The following ATP9B variants were observed in gnomAD, a reference collection of about 807,000 sequenced individuals.
ATP9B encodes the protein ATPase phospholipid transporting 9B, also known as probable phospholipid-transporting ATPase IIB.
ATP9B carries 110 observed loss-of-function variants against 146.1 expected under a neutral mutation model. That is an observed-to-expected ratio of 0.75 (90% CI 0.65 to 0.88). The LOEUF is 0.88. Ranked by LOEUF, ATP9B falls within the 40% of genes least tolerant of loss-of-function variation. ATP9B has a pLI of 0.00. For missense variants in ATP9B, 1,499 were observed against 1,496.4 expected (o/e 1.00, Z -0.03); for synonymous variants, 604 against 569.7 (o/e 1.06, Z -0.86).
In ATP9B at chr18:79,239,777, C is replaced by G. The variant is rs1387606888; in HGVS notation, c.1108-13604C>G. ...GTGTTTTCTCACCTTGCTGTTTTCT[C>G]GAGAGCATTGTTTTGTGAGGGCGGT... On this transcript the variant is annotated intron_variant, in intron 11 of 29. Coordinates refer to ENST00000426216, the MANE Select transcript of ATP9B (RefSeq NM_198531.5). The surrounding 1 kb of genome is among the most constrained non-coding windows in gnomAD (Gnocchi z 5.1). Among the ~76,000 whole-genome samples the G allele has an allele frequency of 6.6e-6, 1 of 152,116 alleles. No individual in the cohort carries two copies. Among genetic ancestry groups the G allele is most frequent in the Non-Finnish European group, 1.5e-5 (1 of 68,022 alleles).
intron 13 of ATP9B, among the ~76,000 whole-genome samples, chr18:79,301,635 G>A (rs2096591361): frequency 6.6e-6 from 1 of 152,120 alleles, no homozygotes; most frequent in Admixed American, 6.5e-5. Context: ...AAACAAAAAG[G>A]TTTAAACTGC....
rs73973076 is a variant in ATP9B, at chr18:79,327,665, G to A, written c.1774-1476G>A. On this transcript the variant is annotated intron_variant, in intron 15 of 29. Transcript: ENST00000426216. ...GGTTAGCATGCTCTCCGTGTTTAGC[G>A]TGCTCTCCGTGGTTAGCGTGCTCTC... 5.5e-3 allele frequency among the ~76,000 whole-genome samples: 397 copies of A among 72,110 alleles called. 4 individuals carry two copies. The highest frequency in any genetic ancestry group is 0.024 in the Middle Eastern group (3 of 126). 47.3% of individuals were successfully genotyped at this position (72,110 alleles called of 152,430 possible). A position where few individuals can be genotyped will look rare whatever the true frequency, so the allele number is the denominator to read the frequency against.
At chr18:79,177,487 C>T (rs1009087141) in intron 8 of ATP9B, among the ~76,000 whole-genome samples, 3 of 151,904 alleles carry the variant, frequency 2.0e-5, no homozygotes, top group African/African-American at 7.3e-5. Flanking sequence ...AAGCAGTCCT[C>T]TCTCCTTGGT....
At position 79,329,241 on chromosome 18, in the gene ATP9B, T is replaced by C; in HGVS notation, c.1874T>C (p.Phe625Ser). 6.2e-7 allele frequency: 1 copy of C among 1,612,888 alleles called. No individual in the cohort carries two copies. Among genetic ancestry groups the C allele is most frequent in the Non-Finnish European group, 8.5e-7 (1 of 1,179,744 alleles). Reference sequence around the variant, plus strand: ...ACCCCCAGTGGCCAGGTCCTCAGCTTCTGCATTCTGCAGCTGTTTCCCTTC... The same window carrying C: ...ACCCCCAGTGGCCAGGTCCTCAGCTCCTGCATTCTGCAGCTGTTTCCCTTC... ...LKTPSGQVLS[F>S]CILQLFPFTS... is the part of the protein sequence containing the mutation. Residue 625 changes from phenylalanine to serine, a missense_variant, in exon 16 of 30, where the codon TTC (phenylalanine) becomes TCC (serine). By Grantham distance (155) the Phe-to-Ser change is radical. Transcript: ENST00000426216.
chr18:79,306,773 A>G (rs2096622369), intron 14 of ATP9B, among the ~76,000 whole-genome samples: 1 of 152,248 alleles, frequency 6.6e-6, no homozygotes, highest in Non-Finnish European at 1.5e-5. Context: ...ATTTTGGTGT[A>G]TTTGACAACC....
Position 79,133,530 on chromosome 18 carries a change from C to G in ATP9B, c.667+7155C>G, listed in dbSNP as rs968635939. Among the ~76,000 whole-genome samples, 9 of 151,912 alleles carry G rather than the reference C, an allele frequency of 5.9e-5. 1 individual carries two copies. Among genetic ancestry groups the G allele is most frequent in the African/African-American group, 1.2e-4 (5 of 41,328 alleles). Reference sequence around the variant, plus strand: ...ATAAACACACACACACACACACACACACACACTCACTCTCAAGTGGGTAGA... The same window carrying G: ...ATAAACACACACACACACACACACAGACACACTCACTCTCAAGTGGGTAGA... On this transcript the variant is annotated intron_variant, in intron 5 of 29. Transcript: ENST00000426216.
At chr18:79,185,572 AG>A (rs1183330933) in intron 8 of ATP9B, among the ~76,000 whole-genome samples, 5 of 152,234 alleles carry the variant, frequency 3.3e-5, no homozygotes, top group Non-Finnish European at 4.4e-5. Context: ...CTAGGAAAAA[AG>A]GAAGTTCAAC....
intron 6 of ATP9B, among the ~76,000 whole-genome samples, chr18:79,153,857 C>T (rs911069946): frequency 6.6e-6 from 1 of 151,596 alleles, no homozygotes; most frequent in Admixed American, 6.6e-5. Context: ...CATGTTGCCT[C>T]GTCTGGTCTC....
chr18:79,368,789 G>T (rs2097050805), intron 26 of ATP9B, among the ~76,000 whole-genome samples: 1 of 151,746 alleles, frequency 6.6e-6, no homozygotes, highest in East Asian at 1.9e-4. Flanking sequence ...TTTGCTGTAG[G>T]ACCCTACCAC....
intron 11 of ATP9B, among the ~76,000 whole-genome samples, chr18:79,224,941 A>G (rs919155094): frequency 5.9e-5 from 9 of 152,228 alleles, no homozygotes; most frequent in African/African-American, 2.2e-4. Context: ...ACCTGTCTCC[A>G]GCAGCTCCCA....
intron 7 of ATP9B, chr18:79,173,784 TC>T: frequency 2.2e-6 from 1 of 455,628 alleles, no homozygotes; most frequent in Middle Eastern, 3.3e-4. Context: ...TCTTCCTTTT[TC>T]CCCCACATTG....
At chr18:79,247,265 C>T (rs543269882) in intron 11 of ATP9B, among the ~76,000 whole-genome samples, 10 of 152,300 alleles carry the variant, frequency 6.6e-5, no homozygotes, top group East Asian at 5.8e-4. Context: ...CCTGTATGAA[C>T]GTAGACAGTC....
intron 1 of ATP9B, among the ~76,000 whole-genome samples, chr18:79,076,548 G>A (rs1322945832): frequency 6.6e-6 from 1 of 151,912 alleles, no homozygotes; most frequent in Non-Finnish European, 1.5e-5. Flanking sequence ...TTTTGAGATA[G>A]GTGTCACTTT....
chr18:79,286,602 C>T (rs2145988693), intron 13 of ATP9B, among the ~76,000 whole-genome samples: 2 of 152,210 alleles, frequency 1.3e-5, no homozygotes, highest in East Asian at 1.9e-4. Context: ...TAATTGAATA[C>T]CCTTTATTTC....
At chr18:79,082,008 A>G (rs1463435475) in intron 1 of ATP9B, among the ~76,000 whole-genome samples, 1 of 152,172 alleles carries the variant, frequency 6.6e-6, no homozygotes, top group East Asian at 1.9e-4. Flanking sequence ...GTGTTTTCCA[A>G]CTTGGTTCCA....
intron 6 of ATP9B, among the ~76,000 whole-genome samples, chr18:79,152,823 C>T (rs552525012): frequency 6.6e-6 from 1 of 152,244 alleles, no homozygotes; most frequent in South Asian, 2.1e-4. Flanking sequence ...CACTGATTGG[C>T]AGTTTCATCT....
intron 1 of ATP9B, among the ~76,000 whole-genome samples, chr18:79,079,892 A>G (rs1197526393): frequency 6.6e-6 from 1 of 152,204 alleles, no homozygotes; most frequent in African/African-American, 2.4e-5. Flanking sequence ...AACACCATTT[A>G]TTAAATAGGG....
rs1007077358 is a variant in ATP9B, at chr18:79,298,683, A to G, written c.1412-4921A>G. Among the ~76,000 whole-genome samples the G allele has an allele frequency of 7.5e-5, 11 of 147,108 alleles. 2 individuals are homozygous for G. Among genetic ancestry groups the G allele is most frequent in the Admixed American group, 1.4e-4 (2 of 14,328 alleles). ...GACTCACTACCAGATTTCAAGACTT[A>G]AATAAGCTGCAGTCATCAAGACTGT... On this transcript the variant is annotated intron_variant, in intron 13 of 29. Transcript: ENST00000426216.
At chr18:79,260,100 G>A (rs988616395) in intron 12 of ATP9B, among the ~76,000 whole-genome samples, 7 of 152,240 alleles carry the variant, frequency 4.6e-5, no homozygotes, top group Middle Eastern at 6.8e-3. Context: ...GTGTTAGTCC[G>A]TTCTCACCCT....
Sources: gnomAD v4.1 joint callset for allele counts (sites outside exome capture counted in the v4.1 genomes callset) on GRCh38, gnomAD v4.1.1 for gene constraint, Gnocchi (gnomAD v3.1) non-coding constraint, MANE v1.5 for transcripts, NCBI Gene and HGNC (gene_info 2026-07-23, HGNC 2026-07-21) for gene names.